Variants in ZFP69 observed in about 807,000 individuals in gnomAD.
ZFP69 encodes ZFP69 zinc finger protein, also known as zinc finger protein 69 homolog.
A neutral mutation model predicts 48.9 loss-of-function variants in ZFP69; 35 were observed. That is an observed-to-expected ratio of 0.72 (90% CI 0.55 to 0.95). ZFP69 has a LOEUF of 0.95. Ranked by LOEUF, ZFP69 falls within the 40% of genes least tolerant of loss-of-function variation. The pLI is 0.00. For missense variants in ZFP69, 557 were observed against 638.4 expected, an observed-to-expected ratio of 0.87 and a Z score of 1.37; for synonymous variants, 193 against 216.8, an observed-to-expected ratio of 0.89 and a Z score of 0.96.
In ZFP69 at chr1:40,496,013, G is replaced by A. The variant is rs770968441; in HGVS notation, c.1535G>A (p.Arg512Gln). ...TTCAGCTATAACTCTTCACTTAGTC[G>A]ACATCATGAAATACACAGGAGGAAC... ...KAFSYNSSLS[R>Q]HHEIHRRNAF... Residue 512 changes from arginine to glutamine, a missense_variant, in exon 6 of 6, where the codon CGA becomes CAA. Arg to Gln is a conservative substitution (Grantham distance 43, BLOSUM62 1). Coordinates refer to ENST00000372706, the MANE Select transcript of ZFP69 (RefSeq NM_001320179.2). 1.9e-5 allele frequency: 30 copies of A among 1,610,860 alleles called. No individual in the cohort carries two copies. In the East Asian group the frequency reaches 2.2e-4, roughly 12 times the overall value.
chr1:40,483,332 C>G (rs1645461952), intron 3 of ZFP69, among the ~76,000 whole-genome samples: 1 of 147,718 alleles, frequency 6.8e-6, no homozygotes, highest in Non-Finnish European at 1.5e-5. Flanking sequence ...TGGGCTCAAG[C>G]AGTTCTCCTG....
rs564140555 is a variant in ZFP69 at position 40,489,057 on chromosome 1, C to T, written c.220-31C>T. On this transcript the variant is annotated intron_variant, in intron 3 of 5. Transcript: ENST00000372706. The stretch of plus-strand genomic sequence containing the variant: ...CTTGGAACTTAACAGAGGTGGTCTC[C>T]GGCTAAAAATGAATGTATTTGATGT... 5.6e-5 allele frequency: 90 copies of T among 1,612,626 alleles called. No individual in the cohort carries two copies. The South Asian group carries it at 5.9e-4, about 11-fold the overall frequency.
Position 40,492,907 on chromosome 1 carries a change from G to A in ZFP69, c.443-2014G>A, listed in dbSNP as rs61107820. 3.3e-3 allele frequency among the ~76,000 whole-genome samples: 498 copies of A among 151,984 alleles called. 14 individuals carry two copies. In the East Asian group the frequency reaches 0.071, roughly 22 times the overall value. On this transcript the variant is annotated intron_variant, in intron 5 of 5. Coordinates refer to ENST00000372706, the MANE Select transcript of ZFP69 (RefSeq NM_001320179.2). ...CTTTTCTTTTCCCTGAGCCTCAGTC[G>A]TGAACAGGTATATTTTTAAAGAAAG...
chr1:40,483,576 A>G (rs1300080036), intron 3 of ZFP69, among the ~76,000 whole-genome samples: 3 of 152,172 alleles, frequency 2.0e-5, no homozygotes, highest in Non-Finnish European at 2.9e-5. Flanking sequence ...ATTGTACTTC[A>G]GTTTAAAAAA....
Position 40,495,712 on chromosome 1 carries a change from G to A in ZFP69, c.1234G>A (p.Ala412Thr). The A allele has an allele frequency of 6.2e-7, 1 of 1,614,170 alleles. No individual in the cohort carries two copies. The highest frequency in any genetic ancestry group is 8.5e-7 in the Non-Finnish European group (1 of 1,180,030). ...AATTCATACCGGGGAGAAGCCCTATGCATGCACTGCATGTTGTAAAACCTT... is the reference window on the plus strand; with the variant it reads ...AATTCATACCGGGGAGAAGCCCTATACATGCACTGCATGTTGTAAAACCTT... The part of the protein sequence containing the change: ...IRIHTGEKPY[A>T]CTACCKTFSH... Residue 412 changes from alanine (A) to threonine (T), a missense_variant, in exon 6 of 6, where the codon GCA (alanine) becomes ACA (threonine). By Grantham distance (58) the Ala-to-Thr change is moderately conservative. Coordinates refer to ENST00000372706, the MANE Select transcript of ZFP69 (RefSeq NM_001320179.2).
At chr1:40,489,042 A>G in intron 3 of ZFP69, 46 bp from the exon 4 acceptor site, 7 of 1,612,306 alleles carry the variant, frequency 4.3e-6, no homozygotes, top group Non-Finnish European at 5.9e-6. Flanking sequence ...CTTGGAACTT[A>G]ACAGAGGTGG....
At chr1:40,494,635 T>C in intron 5 of ZFP69, among the ~76,000 whole-genome samples, 1 of 146,932 alleles carries the variant, frequency 6.8e-6, no homozygotes, top group Non-Finnish European at 1.5e-5. Flanking sequence ...AAATATACAT[T>C]ATATATAAAA....
Position 40,479,296 on chromosome 1 carries a change from G to A in ZFP69, c.-66G>A. On this transcript the variant is annotated 5_prime_UTR_variant, in exon 2 of 6. Coordinates refer to ENST00000372706, the MANE Select transcript of ZFP69 (RefSeq NM_001320179.2). ...CTGAGCAACACCCCACAACTGTGAA[G>A]CGTCTCATCAAGAGCTTCTGGCAAT... The A allele has an allele frequency of 4.4e-6, 7 of 1,604,464 alleles. No individual in the cohort carries two copies. The highest frequency in any genetic ancestry group is 6.0e-6 in the Non-Finnish European group (7 of 1,174,890).
chr1:40,495,303 A>T lies in ZFP69; in HGVS notation c.825A>T (p.Ile275=), dbSNP rs1173292271. ...YIRTKTYECN[I]CEKIFKQPIH... Reference sequence around the variant, plus strand: ...GAACAAAAACCTATGAATGTAATATATGTGAAAAAATCTTCAAACAACCTA... The same window carrying T: ...GAACAAAAACCTATGAATGTAATATTTGTGAAAAAATCTTCAAACAACCTA... Residue 275 remains isoleucine (I), a synonymous_variant, in exon 6 of 6, where the codon ATA becomes ATT. Coordinates refer to ENST00000372706, the MANE Select transcript of ZFP69 (RefSeq NM_001320179.2). 1 of 1,614,134 alleles carries T rather than the reference A, an allele frequency of 6.2e-7. No homozygotes were observed. Among genetic ancestry groups the T allele is most frequent in the Non-Finnish European group, 8.5e-7 (1 of 1,180,008 alleles).
Position 40,479,455 on chromosome 1 carries a change from T to G in ZFP69, c.94T>G (p.Trp32Gly), listed in dbSNP as rs1166814307. ...PKKAVEGAPL[W>G]EDVTKMFEGE... Reference sequence around the variant, plus strand: ...GAAGGCCGTGGAGGGGGCGCCCCTGTGGGAGGATGTGACTAAAATGTTTGA... The same window carrying G: ...GAAGGCCGTGGAGGGGGCGCCCCTGGGGGAGGATGTGACTAAAATGTTTGA... The change falls in exon 2 of 6, where the codon TGG (tryptophan) becomes GGG (glycine). Residue 32 changes from tryptophan (W) to glycine (G), a missense_variant. By Grantham distance (184) the Trp-to-Gly change is radical. Transcript: ENST00000372706. 6.2e-7 allele frequency: 1 copy of G among 1,613,668 alleles called. No homozygotes were observed. The highest frequency in any genetic ancestry group is 1.7e-5 in the Admixed American group (1 of 59,976).
In ZFP69 at chr1:40,495,925, A is replaced by G. The variant is rs1645629053; in HGVS notation, c.1447A>G (p.Lys483Glu). The G allele has an allele frequency of 1.2e-6, 2 of 1,614,090 alleles. No individual in the cohort carries two copies. The highest frequency in any genetic ancestry group is 1.7e-6 in the Non-Finnish European group (2 of 1,180,042). The change falls in exon 6 of 6, where the codon AAA (lysine) becomes GAA (glutamate). Residue 483 changes from lysine to glutamate, a missense_variant. Lys to Glu is a moderately conservative substitution (Grantham distance 56). Transcript: ENST00000372706. ...GKAYRHDSSF[K>E]KHQRHHTGEK... Reference sequence around the variant, plus strand: ...AGCCTATAGGCATGATTCATCCTTTAAAAAACATCAGAGACATCACACTGG... The same window carrying G: ...AGCCTATAGGCATGATTCATCCTTTGAAAAACATCAGAGACATCACACTGG...
At position 40,489,573 on chromosome 1, in the gene ZFP69, G is replaced by A; in HGVS notation, c.391G>A (p.Gly131Arg). The A allele has an allele frequency of 6.2e-7, 1 of 1,613,744 alleles. No homozygotes were observed. Among genetic ancestry groups the A allele is most frequent in the Non-Finnish European group, 8.5e-7 (1 of 1,179,926 alleles). ...TAGTGTGATATCCCAGTTAGAGAAAGGAGAAGAGCCATGGATGGCAGAGAA... is the reference window on the plus strand; with the variant it reads ...TAGTGTGATATCCCAGTTAGAGAAAAGAGAAGAGCCATGGATGGCAGAGAA... ...KPSVISQLEKGEEPWMAEKEG... is the reference protein window; with the variant it reads ...KPSVISQLEKREEPWMAEKEG... The change falls in exon 5 of 6, where the codon GGA (glycine) becomes AGA (arginine). Residue 131 changes from glycine (G) to arginine (R), a missense_variant. Transcript: ENST00000372706.
rs373854273 is a variant in ZFP69, at chr1:40,489,221, C to T, written c.346+7C>T. ...AGCAACTTGGTGTCAGTGGGTAAGA[C>T]TTGGCTATCCATGCATCCAGAAACC... On this transcript the variant is annotated splice_region_variant and intron_variant, in intron 4 of 5. Coordinates refer to ENST00000372706, the MANE Select transcript of ZFP69 (RefSeq NM_001320179.2). 40 of 1,613,234 alleles carry T rather than the reference C, an allele frequency of 2.5e-5. No homozygotes were observed. Among genetic ancestry groups the T allele is most frequent in the East Asian group, 2.2e-5 (1 of 44,874 alleles).
At chr1:40,478,528 A>G (rs944827285) in intron 1 of ZFP69, among the ~76,000 whole-genome samples, 4 of 152,130 alleles carry the variant, frequency 2.6e-5, no homozygotes, top group African/African-American at 9.7e-5. Context: ...CAGCTATGTC[A>G]TTATTCTGTC....
At position 40,496,142 on chromosome 1, in the gene ZFP69, G is replaced by A; in HGVS notation, c.*83G>A. On this transcript the variant is annotated 3_prime_UTR_variant, in exon 6 of 6. Transcript: ENST00000372706. ...TTAAAATTTCAGGACTCAGATATGA[G>A]GAATTGATGTAATGATGCCAACTTT... 7.2e-7 allele frequency: 1 copy of A among 1,397,686 alleles called. No individual in the cohort carries two copies. The highest frequency in any genetic ancestry group is 1.5e-5 in the South Asian group (1 of 68,020). 86.6% of individuals were successfully genotyped at this position (1,397,686 alleles called of 1,614,324 possible).
chr1:40,493,422 C>T lies in ZFP69; in HGVS notation c.443-1499C>T, dbSNP rs372133723. 2.6e-5 allele frequency: 4 copies of T among 152,080 alleles called. No individual in the cohort carries two copies. In the South Asian group the frequency reaches 8.3e-4, roughly 31 times the overall value. 9.4% of individuals were successfully genotyped at this position (152,080 alleles called of 1,614,324 possible). A position where few individuals can be genotyped will look rare whatever the true frequency, so the allele number is the denominator to read the frequency against. On this transcript the variant is annotated intron_variant, in intron 5 of 5. Transcript: ENST00000372706. ...TACCATGAATGTTCTTTCCCAGCCT[C>T]TGGATGAAATCTCAAAGAGTTCCAT...
At chr1:40,484,222 C>CA (rs1645472193) in intron 3 of ZFP69, among the ~76,000 whole-genome samples, 1 of 152,016 alleles carries the variant, frequency 6.6e-6, no homozygotes, top group Non-Finnish European at 1.5e-5. Flanking sequence ...TTTTTAAAGA[C>CA]AGAGTCTCCC....
rs536644133 is a variant in ZFP69 at position 40,495,745 on chromosome 1, A to G, written c.1267A>G (p.Arg423Gly). 2 of 1,614,112 alleles carry G rather than the reference A, an allele frequency of 1.2e-6. No individual in the cohort carries two copies. The highest frequency in any genetic ancestry group is 1.7e-6 in the Non-Finnish European group (2 of 1,180,036). The change falls in exon 6 of 6, where the codon AGA becomes GGA. Residue 423 changes from arginine to glycine, a missense_variant. Transcript: ENST00000372706. ...CTACCKTFSHRAYLTHHQRIH... is the reference protein window; with the variant it reads ...CTACCKTFSHGAYLTHHQRIH... ...TGCATGTTGTAAAACCTTTAGTCATAGAGCGTATCTAACACATCACCAGAG... is the reference window on the plus strand; with the variant it reads ...TGCATGTTGTAAAACCTTTAGTCATGGAGCGTATCTAACACATCACCAGAG...
At chr1:40,490,220 T>C (rs965680689) in intron 5 of ZFP69, among the ~76,000 whole-genome samples, 1 of 152,006 alleles carries the variant, frequency 6.6e-6, no homozygotes. Flanking sequence ...TGAGAACTCA[T>C]TACCATGGGG....
Sources: gnomAD v4.1 joint callset for allele counts (sites outside exome capture counted in the v4.1 genomes callset) on GRCh38, gnomAD v4.1.1 for gene constraint, MANE v1.5 for transcripts, NCBI Gene and HGNC (gene_info 2026-07-23, HGNC 2026-07-21) for gene names.